FGF12: variants seen among roughly 807,000 people sequenced by gnomAD.
FGF12 encodes fibroblast growth factor 12, also known as fibroblast growth factor 12B.
A neutral mutation model predicts 23.6 loss-of-function variants in FGF12; 14 were observed. The observed-to-expected ratio is 0.59, with a 90% CI of 0.39 to 0.93. FGF12 has a LOEUF of 0.93. Among genes scored for constraint, FGF12 ranks in the 40% least tolerant of loss-of-function variants. The pLI is 0.00. For missense variants in FGF12, 175 were observed against 217.8 expected (o/e 0.80, Z 1.24); for synonymous variants, 62 against 77.3 (o/e 0.80, Z 1.04).
chr3:192,400,416 T>A (rs1560099933), intron 2 of FGF12, among the ~76,000 whole-genome samples: 1 of 146,280 alleles, frequency 6.8e-6, no homozygotes, highest in Non-Finnish European at 1.5e-5. Flanking sequence ...TGGCCCGGGC[T>A]GGAGTGCAAT....
chr3:192,628,158 C>G (rs759320297), intron 2 of FGF12, among the ~76,000 whole-genome samples: 73 of 152,070 alleles, frequency 4.8e-4, no homozygotes, highest in East Asian at 7.7e-4. Flanking sequence ...GGAGATTCAT[C>G]CATGTTGTTA....
chr3:192,498,733 G>T (rs1191134498), intron 2 of FGF12, among the ~76,000 whole-genome samples: 1 of 152,198 alleles, frequency 6.6e-6, no homozygotes, highest in Non-Finnish European at 1.5e-5. Flanking sequence ...AGTCAGTCTG[G>T]ATGTTGGAGT....
At chr3:192,518,101 A>T (rs1039689000) in intron 2 of FGF12, among the ~76,000 whole-genome samples, 4 of 152,172 alleles carry the variant, frequency 2.6e-5, no homozygotes, top group African/African-American at 9.6e-5. Context: ...ACTGGCAATA[A>T]TATTTTTAAT....
intron 2 of FGF12, among the ~76,000 whole-genome samples, chr3:192,671,546 C>T (rs1183233890): frequency 6.6e-6 from 1 of 152,144 alleles, no homozygotes; most frequent in Non-Finnish European, 1.5e-5. Context: ...CACCCATAAC[C>T]ATTTACCAGC....
intron 4 of FGF12, among the ~76,000 whole-genome samples, chr3:192,185,805 G>A (rs1331302554): frequency 6.6e-6 from 1 of 151,356 alleles, no homozygotes; most frequent in Non-Finnish European, 1.5e-5. Context: ...GTGGCAATGA[G>A]CCAAGATCGC....
At chr3:192,284,098 T>C (rs1357568886) in intron 4 of FGF12, among the ~76,000 whole-genome samples, 1 of 152,086 alleles carries the variant, frequency 6.6e-6, no homozygotes, top group Non-Finnish European at 1.5e-5. Context: ...CTTTTCCAGC[T>C]ACTAGACACT....
intron 5 of FGF12, among the ~76,000 whole-genome samples, chr3:192,169,197 C>T (rs535223688): frequency 1.4e-3 from 218 of 152,026 alleles, no homozygotes; most frequent in Non-Finnish European, 2.5e-3. Flanking sequence ...AAAAATTAGC[C>T]GGGTGTGGTG....
At chr3:192,561,721 T>C (rs1275480876) in intron 2 of FGF12, among the ~76,000 whole-genome samples, 1 of 152,190 alleles carries the variant, frequency 6.6e-6, no homozygotes, top group African/African-American at 2.4e-5. Flanking sequence ...GGGAGTGTAC[T>C]ATGTTACAAA....
intron 2 of FGF12, among the ~76,000 whole-genome samples, chr3:192,438,310 A>C (rs1722091058): frequency 6.6e-6 from 1 of 152,244 alleles, no homozygotes; most frequent in Non-Finnish European, 1.5e-5. Context: ...CCAGATGTTA[A>C]AATCATTAAG....
intron 4 of FGF12, among the ~76,000 whole-genome samples, chr3:192,196,331 A>T (rs899921074): frequency 6.6e-6 from 1 of 152,222 alleles, no homozygotes; most frequent in Admixed American, 6.5e-5. Context: ...AAAAATTGAG[A>T]TTTAAAAACT....
intron 4 of FGF12, among the ~76,000 whole-genome samples, chr3:192,284,397 C>T (rs1487739624): frequency 1.3e-5 from 2 of 152,062 alleles, no homozygotes; most frequent in East Asian, 3.9e-4. Flanking sequence ...CTGCTATATT[C>T]TACTCTGTCC....
At chr3:192,594,488 T>C (rs956609036) in intron 2 of FGF12, among the ~76,000 whole-genome samples, 11 of 151,892 alleles carry the variant, frequency 7.2e-5, no homozygotes, top group African/African-American at 2.7e-4. Context: ...TCAGTCATAA[T>C]AGAATATTGT....
At chr3:192,244,473 G>T (rs1169040697) in intron 4 of FGF12, among the ~76,000 whole-genome samples, 1 of 151,934 alleles carries the variant, frequency 6.6e-6, no homozygotes, top group Admixed American at 6.6e-5. Flanking sequence ...AACAAAGAGA[G>T]GTAAATAGAC....
chr3:192,554,604 T>C lies in FGF12; in HGVS notation c.13+172577A>G, dbSNP rs149214287. The stretch of plus-strand genomic sequence containing the variant: ...CAAAGCCAGTTCATAAAAACTGATA[T>C]ATATGGCTATTTTTTCAAATGAAGA... On this transcript the variant is annotated intron_variant, in intron 2 of 5. Coordinates refer to ENST00000445105, the MANE Select transcript of FGF12 (RefSeq NM_004113.6). Among the ~76,000 whole-genome samples, 457 of 152,260 alleles carry C rather than the reference T, an allele frequency of 3.0e-3. 3 individuals are homozygous for C. The highest frequency in any genetic ancestry group is 0.01 in the African/African-American group (436 of 41,540).
At chr3:192,615,603 C>T (rs770641759) in intron 2 of FGF12, among the ~76,000 whole-genome samples, 1 of 152,076 alleles carries the variant, frequency 6.6e-6, no homozygotes. Flanking sequence ...TTTTAACTCA[C>T]TGATTCCAAT....
chr3:192,593,662 C>T (rs893559438), intron 2 of FGF12, among the ~76,000 whole-genome samples: 2 of 151,734 alleles, frequency 1.3e-5, no homozygotes, highest in African/African-American at 2.4e-5. Context: ...ACAAACGAAC[C>T]GAAAAACAAT....
intron 2 of FGF12, among the ~76,000 whole-genome samples, chr3:192,489,450 AAG>A (rs1244119306): frequency 1.3e-5 from 2 of 152,068 alleles, no homozygotes; most frequent in Non-Finnish European, 2.9e-5. Flanking sequence ...CTTCTTTGCC[AAG>A]AGAGTCTCAG....
chr3:192,221,089 C>T (rs1326609039), intron 4 of FGF12, among the ~76,000 whole-genome samples: 1 of 152,136 alleles, frequency 6.6e-6, no homozygotes, highest in South Asian at 2.1e-4. Flanking sequence ...TGGGTCTCAG[C>T]CAAACATGGC....
chr3:192,458,211 G>A (rs866373230), intron 2 of FGF12, among the ~76,000 whole-genome samples: 1 of 152,192 alleles, frequency 6.6e-6, no homozygotes, highest in Non-Finnish European at 1.5e-5. Flanking sequence ...GAAATGTGGG[G>A]TCGGAGTCCC....
Sources: allele counts gnomAD v4.1 joint callset (sites outside exome capture counted in the v4.1 genomes callset), GRCh38; gene constraint gnomAD v4.1.1; transcripts MANE v1.5; gene names NCBI Gene and HGNC (gene_info 2026-07-23, HGNC 2026-07-21).